SOX5: variants seen among roughly 807,000 people sequenced by gnomAD.
The protein encoded by SOX5 is transcription factor SOX-5.
SOX5 carries 9 observed loss-of-function variants against 92.0 expected under a neutral mutation model. The observed-to-expected ratio is 0.10, with a 90% CI of 0.06 to 0.17. The LOEUF (loss-of-function observed/expected upper bound fraction) is 0.17. Ranked by LOEUF, SOX5 falls within the 10% of genes least tolerant of loss-of-function variation. The probability of loss-of-function intolerance (pLI) is 1.00; values close to 1 mark genes in which losing one functional copy is unlikely to be tolerated. For missense variants in SOX5, 642 were observed against 944.5 expected (o/e 0.68, Z 4.20); for synonymous variants, 344 against 336.3 (o/e 1.02, Z -0.25).
At chr12:23,578,196 C>T (rs1479031508) in intron 9 of SOX5, among the ~76,000 whole-genome samples, 2 of 140,440 alleles carry the variant, frequency 1.4e-5, no homozygotes, top group African/African-American at 5.3e-5. Flanking sequence ...GAAACATGAC[C>T]TGTTCAACCA....
intron 6 of SOX5, among the ~76,000 whole-genome samples, chr12:23,681,774 G>A (rs2086664273): frequency 1.3e-5 from 2 of 151,500 alleles, no homozygotes; most frequent in African/African-American, 2.4e-5. Flanking sequence ...ATCCAAATAT[G>A]CATAACAAAG....
intron 1 of SOX5, among the ~76,000 whole-genome samples, chr12:24,429,271 T>C (rs1226661714): frequency 2.0e-5 from 3 of 151,796 alleles, no homozygotes; most frequent in African/African-American, 4.8e-5. Context: ...GAGCCAAGAC[T>C]GCCCCACTGC....
chr12:23,726,115 C>T (rs1345455660), intron 6 of SOX5, among the ~76,000 whole-genome samples: 2 of 121,378 alleles, frequency 1.6e-5, no homozygotes, highest in Non-Finnish European at 3.6e-5. Context: ...ATACATACAT[C>T]CCCGAGAGAG....
intron 2 of SOX5, among the ~76,000 whole-genome samples, chr12:24,348,049 CAAAAA>C (rs1182462748): frequency 2.8e-5 from 2 of 72,722 alleles, no homozygotes; most frequent in African/African-American, 4.7e-5. Flanking sequence ...TACAGCTAAT[CAAAAA>C]AAAAAAAAAA....
intron 4 of SOX5, among the ~76,000 whole-genome samples, chr12:23,983,789 T>G (rs1949815270): frequency 6.6e-6 from 1 of 152,200 alleles, no homozygotes; most frequent in Non-Finnish European, 1.5e-5. Flanking sequence ...TGTGTCCTAA[T>G]TTATTATTAG....
At chr12:23,803,730 A>G (rs1406395978) in intron 3 of SOX5, among the ~76,000 whole-genome samples, 1 of 152,236 alleles carries the variant, frequency 6.6e-6, no homozygotes, top group Non-Finnish European at 1.5e-5. Context: ...AGTAAATCTT[A>G]TGTAAGCACA....
chr12:24,246,059 CAA>C (rs1341783020), intron 3 of SOX5, among the ~76,000 whole-genome samples: 1 of 152,150 alleles, frequency 6.6e-6, no homozygotes, highest in African/African-American at 2.4e-5. Flanking sequence ...CACATATGGA[CAA>C]AGTTCAGTCT....
intron 4 of SOX5, among the ~76,000 whole-genome samples, chr12:24,172,339 C>A (rs1384569928): frequency 1.3e-5 from 2 of 151,898 alleles, no homozygotes; most frequent in Admixed American, 1.3e-4. Flanking sequence ...TAGTTTGAGA[C>A]CAGCCTAGGC....
At chr12:23,898,923 AAGTC>A (rs376080474) in intron 1 of SOX5, among the ~76,000 whole-genome samples, 120 of 152,366 alleles carry the variant, frequency 7.9e-4, no homozygotes, top group African/African-American at 2.8e-3. Context: ...ATAGGCTACT[AAGTC>A]AGAAAAGTAA....
intron 1 of SOX5, among the ~76,000 whole-genome samples, chr12:24,514,314 G>A (rs1294910048): frequency 6.6e-6 from 1 of 152,072 alleles, no homozygotes; most frequent in Non-Finnish European, 1.5e-5. Flanking sequence ...TCCAAGACAC[G>A]TATCATCTAA....
At chr12:24,169,971 C>T (rs1185814517) in intron 4 of SOX5, among the ~76,000 whole-genome samples, 4 of 152,048 alleles carry the variant, frequency 2.6e-5, no homozygotes, top group African/African-American at 9.7e-5. Flanking sequence ...CCACAAAGGG[C>T]GTCCTGGGAG....
chr12:23,884,429 C>T (rs2137241457), intron 2 of SOX5, among the ~76,000 whole-genome samples: 1 of 152,204 alleles, frequency 6.6e-6, no homozygotes, highest in East Asian at 1.9e-4. Flanking sequence ...TTTAGAATCT[C>T]ATATATTGCC....
At chr12:24,435,514 G>C (rs149793857) in intron 1 of SOX5, among the ~76,000 whole-genome samples, 2 of 152,256 alleles carry the variant, frequency 1.3e-5, no homozygotes, top group East Asian at 3.9e-4. Flanking sequence ...TCTACTACTA[G>C]ATTATACATT....
chr12:24,175,291 T>C (rs75379726), intron 4 of SOX5, among the ~76,000 whole-genome samples: 3,851 of 152,334 alleles, frequency 0.025, 67 homozygotes, highest in Non-Finnish European at 0.04. Context: ...TTGTGTAATA[T>C]CTAAGTGGGG....
intron 3 of SOX5, among the ~76,000 whole-genome samples, chr12:23,806,599 GA>G (rs368368718): frequency 7.9e-4 from 76 of 96,092 alleles, no homozygotes; most frequent in South Asian, 1.1e-3. Context: ...AAAAAAAAAA[GA>G]AAAAAAAAAC....
intron 3 of SOX5, among the ~76,000 whole-genome samples, chr12:23,806,029 G>A (rs2095763800): frequency 1.3e-5 from 2 of 152,108 alleles, no homozygotes; most frequent in Non-Finnish European, 2.9e-5. Context: ...AGATTTAGAT[G>A]ATCAATTTTA....
chr12:23,897,182 G>A (rs1213296765), intron 1 of SOX5, among the ~76,000 whole-genome samples: 1 of 152,074 alleles, frequency 6.6e-6, no homozygotes, highest in Admixed American at 6.6e-5. Flanking sequence ...GGGAGGCAGG[G>A]AAGTATTTAC....
chr12:24,372,976 G>T (rs921727271), intron 1 of SOX5, among the ~76,000 whole-genome samples: 5 of 148,292 alleles, frequency 3.4e-5, no homozygotes, highest in African/African-American at 9.9e-5. Context: ...AAAACTGCTG[G>T]GTGTGGCGGC....
intron 10 of SOX5, among the ~76,000 whole-genome samples, chr12:23,568,550 TC>T (rs1232216654): frequency 6.6e-6 from 1 of 152,182 alleles, no homozygotes; most frequent in East Asian, 1.9e-4. Context: ...TACTTGAATG[TC>T]CCATGAGTAC....
Sources: gnomAD v4.1 joint callset for allele counts (sites outside exome capture counted in the v4.1 genomes callset) on GRCh38, gnomAD v4.1.1 for gene constraint, MANE v1.5 for transcripts, NCBI Gene and HGNC (gene_info 2026-07-23, HGNC 2026-07-21) for gene names.